The following SEMA3A variants were observed in gnomAD, a reference collection of about 807,000 sequenced individuals.
SEMA3A encodes the protein semaphorin 3A, also known as semaphorin-3A.
SEMA3A carries 29 observed loss-of-function variants against 97.9 expected under a neutral mutation model. That is an observed-to-expected ratio of 0.30 (90% CI 0.22 to 0.40). SEMA3A has a LOEUF of 0.40. Ranked by LOEUF, SEMA3A falls within the 10% of genes least tolerant of loss-of-function variation. The pLI is 1.00. For synonymous variants in SEMA3A, 321 were observed against 323.7 expected, an observed-to-expected ratio of 0.99 and a Z score of 0.09; for missense variants, 763 against 951.3, an observed-to-expected ratio of 0.80 and a Z score of 2.60.
chr7:84,176,334 G>A (rs1370654050), intron 1 of SEMA3A, among the ~76,000 whole-genome samples: 2 of 152,176 alleles, frequency 1.3e-5, no homozygotes, highest in Admixed American at 6.5e-5. Context: ...AGACTGGAAT[G>A]AAGATCAGAG....
intron 3 of SEMA3A, among the ~76,000 whole-genome samples, chr7:84,121,086 A>C (rs1292690609): frequency 8.3e-6 from 1 of 120,434 alleles, no homozygotes; most frequent in Admixed American, 9.6e-5. Context: ...GACAGTGCGC[A>C]TATCTGCCCT....
intron 3 of SEMA3A, among the ~76,000 whole-genome samples, chr7:84,269,893 G>A (rs1800100972): frequency 6.6e-6 from 1 of 151,802 alleles, no homozygotes. Flanking sequence ...AATCATTTTA[G>A]AACAAAAAGT....
chr7:84,200,755 T>G (rs1313072676), intron 3 of SEMA3A, among the ~76,000 whole-genome samples: 1 of 151,680 alleles, frequency 6.6e-6, no homozygotes, highest in African/African-American at 2.4e-5. Flanking sequence ...AATATTAATA[T>G]ATTAAAAGCA....
chr7:84,174,340 T>G (rs1797494752), intron 1 of SEMA3A, among the ~76,000 whole-genome samples: 1 of 152,184 alleles, frequency 6.6e-6, no homozygotes, highest in Admixed American at 6.5e-5. Context: ...CAGGTCCAAG[T>G]TGCCAGCAAT....
At chr7:84,428,176 A>T (rs1276683362) in intron 1 of SEMA3A, among the ~76,000 whole-genome samples, 1 of 152,102 alleles carries the variant, frequency 6.6e-6, no homozygotes, top group Admixed American at 6.6e-5. Flanking sequence ...TTCCTATAGA[A>T]ATCTGTAAGC....
chr7:84,290,373 G>A (rs1800710139), intron 3 of SEMA3A, among the ~76,000 whole-genome samples: 1 of 151,636 alleles, frequency 6.6e-6, no homozygotes, highest in East Asian at 1.9e-4. Flanking sequence ...CTTGAAGAGG[G>A]TTATCTTTTA....
At chr7:84,042,479 A>G in intron 6 of SEMA3A, among the ~76,000 whole-genome samples, 1 of 152,036 alleles carries the variant, frequency 6.6e-6, no homozygotes, top group East Asian at 1.9e-4. Context: ...TGACTCAAAT[A>G]TAATCACTCA....
At chr7:84,240,366 T>C (rs1044357333) in intron 3 of SEMA3A, among the ~76,000 whole-genome samples, 1 of 151,766 alleles carries the variant, frequency 6.6e-6, no homozygotes, top group African/African-American at 2.4e-5. Context: ...AGAAATTTCT[T>C]GTTATCCCTG....
intron 1 of SEMA3A, among the ~76,000 whole-genome samples, chr7:84,416,099 C>G (rs895234946): frequency 1.3e-5 from 2 of 151,960 alleles, no homozygotes; most frequent in Non-Finnish European, 2.9e-5. Flanking sequence ...TCTAAAAGTA[C>G]TGATATGGTT....
chr7:84,319,365 C>T (rs1293222255), intron 2 of SEMA3A, among the ~76,000 whole-genome samples: 1 of 151,640 alleles, frequency 6.6e-6, no homozygotes, highest in African/African-American at 2.4e-5. Context: ...AATGCAAATG[C>T]ATTTTTGTTG....
chr7:84,400,191 TG>T (rs1803862945), intron 1 of SEMA3A, among the ~76,000 whole-genome samples: 1 of 152,142 alleles, frequency 6.6e-6, no homozygotes. Flanking sequence ...AAGACCAGAC[TG>T]TGAAGACTAG....
intron 1 of SEMA3A, among the ~76,000 whole-genome samples, chr7:84,401,362 C>A (rs1029090113): frequency 6.6e-6 from 1 of 151,612 alleles, no homozygotes; most frequent in Non-Finnish European, 1.5e-5. Flanking sequence ...GAAGATGACA[C>A]AAACAATGGA....
At chr7:84,243,507 T>G (rs905191880) in intron 3 of SEMA3A, among the ~76,000 whole-genome samples, 1 of 152,188 alleles carries the variant, frequency 6.6e-6, no homozygotes, top group African/African-American at 2.4e-5. Flanking sequence ...CTTTATCATT[T>G]TTTATTGTGT....
intron 1 of SEMA3A, among the ~76,000 whole-genome samples, chr7:84,413,674 A>G (rs1300451391): frequency 6.6e-6 from 1 of 152,106 alleles, no homozygotes; most frequent in African/African-American, 2.4e-5. Context: ...AAAACTTAGT[A>G]GTAGTAGTAG....
rs533892898 is a variant in SEMA3A at position 84,077,237 on chromosome 7, C to T, written c.454-16679G>A. ...AGTAATAGAACAATTGACTTGATCT[C>T]TCCATATGTGCATTTTAAGTCTTCT... On this transcript the variant is annotated intron_variant, in intron 4 of 16. Coordinates refer to ENST00000265362, the MANE Select transcript of SEMA3A (RefSeq NM_006080.3). Among the ~76,000 whole-genome samples, 16 of 152,170 alleles carry T rather than the reference C, an allele frequency of 1.1e-4. No individual in the cohort carries two copies. In the South Asian group the frequency reaches 3.3e-3, roughly 32 times the overall value.
chr7:84,030,987 G>GTTTTTTTTTTTTTTTTTTTT (rs10615974), intron 6 of SEMA3A, among the ~76,000 whole-genome samples: 1 of 95,022 alleles, frequency 1.1e-5, no homozygotes, highest in African/African-American at 4.3e-5. Flanking sequence ...TTTTGGTCAA[G>GTTTTTTTTTTTTTTTTTTTT]TTTTTTTTTT....
intron 3 of SEMA3A, among the ~76,000 whole-genome samples, chr7:84,232,105 GT>G (rs1490431450): frequency 6.6e-6 from 1 of 151,286 alleles, no homozygotes; most frequent in African/African-American, 2.4e-5. Context: ...ATGTATCAAT[GT>G]TTAAATAGTA....
In SEMA3A at chr7:84,420,265, A is replaced by C. The variant is rs551925126; in HGVS notation, c.-245-48365T>G. On this transcript the variant is annotated intron_variant, in intron 1 of 3. Transcript: ENST00000424555. ...TATAATATAAATAGTTTAAATAAAC[A>C]GTCTTAAATATTCTCAAAGAACTAT... Among the ~76,000 whole-genome samples, 6 of 152,170 alleles carry C rather than the reference A, an allele frequency of 3.9e-5. No individual in the cohort carries two copies. In the South Asian group the frequency reaches 1.2e-3, roughly 31 times the overall value.
intron 1 of SEMA3A, among the ~76,000 whole-genome samples, chr7:84,428,295 C>T (rs1015427283): frequency 9.2e-5 from 14 of 151,990 alleles, no homozygotes; most frequent in Non-Finnish European, 2.9e-5. Flanking sequence ...ATCTCTTTAG[C>T]AGTTATTATA....
Sources: gnomAD v4.1 joint callset for allele counts (sites outside exome capture counted in the v4.1 genomes callset) on GRCh38, gnomAD v4.1.1 for gene constraint, MANE v1.5 for transcripts, NCBI Gene and HGNC (gene_info 2026-07-23, HGNC 2026-07-21) for gene names.